PBRM1: variants seen among roughly 807,000 people sequenced by gnomAD.
The protein encoded by PBRM1 is polybromo 1.
In PBRM1, 27 loss-of-function variants were observed where a neutral mutation model predicts 194.5. That is an observed-to-expected ratio of 0.14 (90% CI 0.10 to 0.19). The LOEUF (loss-of-function observed/expected upper bound fraction) is 0.19. Among genes scored for constraint, PBRM1 ranks in the 10% least tolerant of loss-of-function variants. The probability of loss-of-function intolerance (pLI) is 1.00; values close to 1 mark genes in which losing one functional copy is unlikely to be tolerated. For missense variants in PBRM1, 1,466 were observed against 2,077.2 expected, an observed-to-expected ratio of 0.71 and a Z score of 5.72; for synonymous variants, 655 against 693.2, an observed-to-expected ratio of 0.94 and a Z score of 0.87.
At chr3:52,570,894 GTTT>G (rs79113447) in intron 22 of PBRM1, among the ~76,000 whole-genome samples, 1 of 137,590 alleles carries the variant, frequency 7.3e-6, no homozygotes. Context: ...TTGTTTCTTC[GTTT>G]TTTTTTTTTT....
At chr3:52,668,142 C>T (rs1011958083) in intron 3 of PBRM1, among the ~76,000 whole-genome samples, 2 of 151,988 alleles carry the variant, frequency 1.3e-5, no homozygotes, top group Admixed American at 6.6e-5. Context: ...ACAAAACATG[C>T]AAAAATTAGC....
chr3:52,617,459 T>G (rs2095024362), exon 14 of PBRM1: 1 of 1,613,544 alleles, frequency 6.2e-7, no homozygotes, highest in African/African-American at 1.3e-5. Flanking sequence ...TCACAAAGTC[T>G]TCTGCCTGAA....
intron 5 of PBRM1, among the ~76,000 whole-genome samples, chr3:52,652,354 A>T: frequency 6.7e-6 from 1 of 149,060 alleles, no homozygotes; most frequent in South Asian, 2.1e-4. Context: ...ATTATACTCC[A>T]GCCTGGGGGA....
At chr3:52,627,189 C>A in intron 13 of PBRM1, 84 bp downstream of exon 14, 1 of 726,290 alleles carries the variant, frequency 1.4e-6, no homozygotes, top group Admixed American at 2.5e-5. Context: ...AACTTGATAG[C>A]TTAAAAAATA....
At chr3:52,625,575 C>CTTT (rs747413256) in intron 13 of PBRM1, among the ~76,000 whole-genome samples, 1 of 138,608 alleles carries the variant, frequency 7.2e-6, no homozygotes, top group Non-Finnish European at 1.6e-5. Context: ...TAATGCTTAA[C>CTTT]TTTTTTTTTT....
intron 13 of PBRM1, among the ~76,000 whole-genome samples, chr3:52,619,396 A>G (rs1240649296): frequency 6.6e-6 from 1 of 152,174 alleles, no homozygotes. Context: ...ATTACTTATA[A>G]TACCTAATAC....
chr3:52,661,111 C>A (rs965412255), intron 4 of PBRM1, among the ~76,000 whole-genome samples: 2 of 151,908 alleles, frequency 1.3e-5, no homozygotes, highest in Non-Finnish European at 1.5e-5. Flanking sequence ...CTGCACCCTC[C>A]ACCTCCTGGG....
intron 2 of PBRM1, among the ~76,000 whole-genome samples, chr3:52,673,173 A>C (rs981433337): frequency 1.3e-5 from 2 of 150,344 alleles, no homozygotes; most frequent in African/African-American, 4.9e-5. Flanking sequence ...TTTTTAGTAG[A>C]GACAGGGTTT....
chr3:52,685,876 C>G (rs1454683837), upstream of PBRM1: 6 of 548,654 alleles, frequency 1.1e-5, no homozygotes, highest in Non-Finnish European at 1.9e-5. Flanking sequence ...ACCCGCCGCC[C>G]TCACCTCCCT....
At chr3:52,661,781 C>A (rs1312744148) in intron 4 of PBRM1, among the ~76,000 whole-genome samples, 2 of 152,210 alleles carry the variant, frequency 1.3e-5, no homozygotes, top group African/African-American at 4.8e-5. Flanking sequence ...AAGGTGATTA[C>A]ATTCCAACTT....
intron 17 of PBRM1, among the ~76,000 whole-genome samples, chr3:52,598,834 C>T (rs1446231817): frequency 1.3e-5 from 2 of 151,988 alleles, no homozygotes; most frequent in Non-Finnish European, 1.5e-5. Flanking sequence ...CCAGCCTGGC[C>T]AACATGGTGA....
At chr3:52,589,070 C>A in exon 18 of PBRM1, 1 of 1,611,320 alleles carries the variant, frequency 6.2e-7, no homozygotes, top group Non-Finnish European at 8.5e-7. Context: ...ACAAACTTAC[C>A]AGCTGAATCC....
intron 17 of PBRM1, among the ~76,000 whole-genome samples, chr3:52,594,516 A>G (rs2093387909): frequency 1.3e-5 from 2 of 152,190 alleles, no homozygotes; most frequent in Admixed American, 1.3e-4. Context: ...ACAGCATCCC[A>G]TTAGACCTTG....
chr3:52,582,057 A>C (rs1293319155), intron 20 of PBRM1, among the ~76,000 whole-genome samples: 1 of 151,224 alleles, frequency 6.6e-6, no homozygotes, highest in Non-Finnish European at 1.5e-5. Context: ...AGCTTGACCA[A>C]TATGGTAGAA....
intron 27 of PBRM1, among the ~76,000 whole-genome samples, chr3:52,553,870 C>T (rs564384799): frequency 2.8e-4 from 42 of 152,256 alleles, no homozygotes; most frequent in Middle Eastern, 3.4e-3. Context: ...CCATATTGGC[C>T]AGGCTGGTCT....
chr3:52,669,330 T>C (rs886936770), intron 2 of PBRM1, among the ~76,000 whole-genome samples: 1 of 152,220 alleles, frequency 6.6e-6, no homozygotes. Flanking sequence ...CAAGAAACTT[T>C]GTAGGTAATT....
chr3:52,635,853 TTTTTATTTA>T (rs2095789400), intron 10 of PBRM1, among the ~76,000 whole-genome samples: 1 of 151,680 alleles, frequency 6.6e-6, no homozygotes, highest in African/African-American at 2.4e-5. Flanking sequence ...GGCTGATTCT[TTTTTATTTA>T]TTTCTTATTT....
exon 22 of PBRM1, chr3:52,576,545 A>G (rs2153658457): frequency 6.3e-7 from 1 of 1,594,548 alleles, no homozygotes. Context: ...ACCTACCGAG[A>G]ATACATGTCA....
chr3:52,660,469 CATGTATATGT>C (rs1190050997), intron 4 of PBRM1, among the ~76,000 whole-genome samples: 6 of 151,848 alleles, frequency 4.0e-5, no homozygotes, highest in South Asian at 2.1e-4. Context: ...ATATGAACTA[CATGTATATGT>C]GTGTATATAT....
Sources: allele counts gnomAD v4.1 joint callset (sites outside exome capture counted in the v4.1 genomes callset), GRCh38; gene constraint gnomAD v4.1.1; transcripts MANE v1.5; gene names NCBI Gene and HGNC (gene_info 2026-07-23, HGNC 2026-07-21).